Variants in HTT observed in about 807,000 individuals in gnomAD.
HTT encodes huntington disease protein.
Under a neutral mutation model 362.3 loss-of-function variants are expected in HTT, and 104 were observed. That is an observed-to-expected ratio of 0.29 (90% CI 0.24 to 0.34). HTT has a LOEUF of 0.34. Among genes scored for constraint, HTT ranks in the 10% least tolerant of loss-of-function variants. HTT has a pLI of 1.00. For synonymous variants in HTT, 1,577 were observed against 1,548.7 expected, an observed-to-expected ratio of 1.02 and a Z score of -0.43; for missense variants, 3,301 against 3,928.6, an observed-to-expected ratio of 0.84 and a Z score of 4.27.
chr4:3,229,960 G>A lies in HTT; in HGVS notation c.8183G>A (p.Arg2728Gln), dbSNP rs758207233. 8 of 1,613,962 alleles carry A rather than the reference G, an allele frequency of 5.0e-6. No individual in the cohort carries two copies. The Admixed American group carries it at 6.7e-5, about 13-fold the overall frequency. The change falls in exon 60 of 67, where the codon CGA becomes CAA. Residue 2728 changes from arginine (R) to glutamine (Q), a missense_variant. This residue lies in a region of HTT where 753 missense variants were observed against 1,021.3 expected (regional missense o/e 0.74). Transcript: ENST00000355072. ...ATGTATGTGACGCTGACAGAACTGC[G>A]AAGGGTGCACCCTTCAGAAGACGAG... Reference protein sequence around the residue: ...ELMYVTLTELRRVHPSEDEIL... With the variant: ...ELMYVTLTELQRVHPSEDEIL...
intron 40 of HTT, among the ~76,000 whole-genome samples, chr4:3,189,323 G>GC (rs917320918): frequency 5.9e-5 from 9 of 152,214 alleles, no homozygotes; most frequent in African/African-American, 2.2e-4. Context: ...ATATTTGCAT[G>GC]CCAGCATTCA....
chr4:3,121,330 C>T lies in HTT; in HGVS notation c.1171C>T (p.Leu391Phe), dbSNP rs1418040759. ...QQLFRTPPPE[L>F]LQTLTAVGGI... ...GCTCTTCAGAACGCCTCCACCCGAG[C>T]TTCTGCAAACCCTGACCGCAGTCGG... Residue 391 changes from leucine to phenylalanine, a missense_variant, in exon 9 of 67, where the codon CTT (leucine) becomes TTT (phenylalanine). Transcript: ENST00000355072. 1 of 1,614,166 alleles carries T rather than the reference C, an allele frequency of 6.2e-7. No homozygotes were observed. The highest frequency in any genetic ancestry group is 1.1e-5 in the South Asian group (1 of 91,084).
intron 20 of HTT, 76 bp downstream of exon 20, chr4:3,136,043 C>A: frequency 9.3e-7 from 1 of 1,080,092 alleles, no homozygotes; most frequent in African/African-American, 1.6e-5. Context: ...TGGAATTTCT[C>A]TAAATGCATT....
chr4:3,229,584 A>G (rs1227691159), intron 59 of HTT, among the ~76,000 whole-genome samples: 2 of 150,652 alleles, frequency 1.3e-5, no homozygotes, highest in African/African-American at 4.9e-5. Flanking sequence ...ACACACATGT[A>G]TATACACACC....
At chr4:3,148,331 G>T in intron 26 of HTT, 124 bp downstream of exon 26, 1 of 705,336 alleles carries the variant, frequency 1.4e-6, no homozygotes, top group Non-Finnish European at 2.3e-6. Flanking sequence ...AAATTGCTCA[G>T]ATTGTGACAC....
At chr4:3,198,713 A>G (rs1719383437) in intron 40 of HTT, among the ~76,000 whole-genome samples, 1 of 152,210 alleles carries the variant, frequency 6.6e-6, no homozygotes, top group Non-Finnish European at 1.5e-5. Context: ...AGGAGAGGAT[A>G]GAATGAAGTC....
At chr4:3,164,412 G>A (rs1429550861) in intron 29 of HTT, among the ~76,000 whole-genome samples, 1 of 152,150 alleles carries the variant, frequency 6.6e-6, no homozygotes, top group Non-Finnish European at 1.5e-5. Flanking sequence ...GTTGATTTGG[G>A]GTGCAGAGTT....
chr4:3,120,968 A>G (rs1274564778), intron 8 of HTT, among the ~76,000 whole-genome samples: 1 of 152,152 alleles, frequency 6.6e-6, no homozygotes, highest in Admixed American at 6.5e-5. Context: ...TGGGAAATAG[A>G]GATCTTCATT....
Position 3,218,093 on chromosome 4 carries a change from C to A in HTT, c.7242+141C>A. On this transcript the variant is annotated intron_variant, in intron 52 of 66. Coordinates refer to ENST00000355072, the MANE Select transcript of HTT (RefSeq NM_001388492.1). The surrounding 1 kb of genome is among the most constrained non-coding windows in gnomAD (Gnocchi z 4.4). ...TGTGGTTCTGGTGCCCACTGTGGTT[C>A]TGGTGCCAGGCTGCTTTCCTCAGGC... 1.4e-6 allele frequency: 1 copy of A among 695,786 alleles called. No individual in the cohort carries two copies. Among genetic ancestry groups the A allele is most frequent in the Non-Finnish European group, 2.3e-6 (1 of 432,614 alleles). The allele number at this position is 695,786 out of a possible 1,614,324, so 43.1% of individuals were successfully genotyped here. A position where few individuals can be genotyped will look rare whatever the true frequency, so the allele number is the denominator to read the frequency against.
intron 21 of HTT, among the ~76,000 whole-genome samples, chr4:3,136,606 A>T (rs1180106836): frequency 6.6e-6 from 1 of 151,890 alleles, no homozygotes; most frequent in Non-Finnish European, 1.5e-5. Flanking sequence ...AGAAAAAAAA[A>T]ATCACCTTCA....
intron 40 of HTT, among the ~76,000 whole-genome samples, chr4:3,197,325 C>G (rs1366757849): frequency 6.6e-6 from 1 of 152,106 alleles, no homozygotes; most frequent in Non-Finnish European, 1.5e-5. Context: ...CTTGTCCTGC[C>G]AGTACCTCAG....
In HTT at chr4:3,239,906, C is replaced by T; in HGVS notation, c.9276C>T (p.Cys3092=). ...AGCAGGTGGACGTGAACCTTTTCTG[C>T]CTGGTCGCCACAGACTTCTACAGAC... The part of the protein sequence containing the change: ...KLEQVDVNLF[C]LVATDFYRHQ... The change falls in exon 67 of 67, where the codon TGC becomes TGT. Residue 3092 remains cysteine, a synonymous_variant. Coordinates refer to ENST00000355072, the MANE Select transcript of HTT (RefSeq NM_001388492.1). The T allele has an allele frequency of 6.4e-7, 1 of 1,574,320 alleles. No homozygotes were observed. The highest frequency in any genetic ancestry group is 8.6e-7 in the Non-Finnish European group (1 of 1,158,788).
At chr4:3,109,066 A>AAAT (rs1560550837) in intron 6 of HTT, among the ~76,000 whole-genome samples, 1 of 84,002 alleles carries the variant, frequency 1.2e-5, no homozygotes, top group Non-Finnish European at 2.8e-5. Context: ...AAAAAAAAAA[A>AAAT]ATATATATAT....
rs1002327029 is a variant in HTT, at chr4:3,181,043, A to AT, written c.4749+403dup. ...AGGCATGCACCACCATGCCCAGCAA[A>AT]TTTTTTTTTTTGTATTTTTAGTAGA... is the stretch of plus-strand genomic sequence containing the variant. On this transcript the variant is annotated intron_variant, in intron 36 of 66. Coordinates refer to ENST00000355072, the MANE Select transcript of HTT (RefSeq NM_001388492.1). Among the ~76,000 whole-genome samples the AT allele has an allele frequency of 6.6e-3, 967 of 146,434 alleles. 6 individuals are homozygous for AT. Among genetic ancestry groups the AT allele is most frequent in the Middle Eastern group, 0.024 (7 of 288 alleles).
intron 21 of HTT, among the ~76,000 whole-genome samples, chr4:3,138,243 T>C (rs1420302119): frequency 1.3e-5 from 2 of 151,932 alleles, no homozygotes; most frequent in East Asian, 3.8e-4. Context: ...ATACACATTT[T>C]TTTAAATTTC....
chr4:3,233,343 G>A lies in HTT; in HGVS notation c.8446G>A (p.Gly2816Arg), dbSNP rs763632808. 5 of 1,597,982 alleles carry A rather than the reference G, an allele frequency of 3.1e-6. No homozygotes were observed. The African/African-American group carries it at 6.7e-5, about 21-fold the overall frequency. ...CGACTATCTCCTCTCCAACCTGAAA[G>A]GGATCGCCCAGTGAGTGGGAGCCTG... ...ISDYLLSNLK[G>R]IAHCVNIHSQ... Residue 2816 changes from glycine (G) to arginine (R), a missense_variant, in exon 61 of 67, where the codon GGG becomes AGG. Transcript: ENST00000355072.
chr4:3,233,711 G>A (rs879820007), intron 61 of HTT, among the ~76,000 whole-genome samples: 8 of 152,210 alleles, frequency 5.3e-5, no homozygotes, highest in Non-Finnish European at 1.2e-4. Flanking sequence ...CACCTTCCCC[G>A]CCCTGGCCCA....
intron 39 of HTT, 135 bp from the exon 40 acceptor site, chr4:3,188,816 C>A: frequency 1.2e-6 from 1 of 807,394 alleles, no homozygotes; most frequent in Non-Finnish European, 2.0e-6. Flanking sequence ...CGGCGCTCTG[C>A]ATTTCACTTT....
In HTT at chr4:3,238,617, T is replaced by A; in HGVS notation, c.9054+8T>A. The A allele has an allele frequency of 2.5e-6, 4 of 1,592,274 alleles. No homozygotes were observed. The highest frequency in any genetic ancestry group is 3.4e-6 in the Non-Finnish European group (4 of 1,167,764). Reference sequence around the variant, plus strand: ...GCCACCGTGGTGTATAAGGTGAGGTTGCATGTGGGATGGGGATGGAGTGGG... The same window carrying A: ...GCCACCGTGGTGTATAAGGTGAGGTAGCATGTGGGATGGGGATGGAGTGGG... On this transcript the variant is annotated splice_region_variant and intron_variant, in intron 65 of 66. Transcript: ENST00000355072.
Sources: allele counts gnomAD v4.1 joint callset (sites outside exome capture counted in the v4.1 genomes callset), GRCh38; gene constraint gnomAD v4.1.1; regional missense constraint gnomAD v4.1.1; non-coding constraint Gnocchi (gnomAD v3.1); transcripts MANE v1.5; gene names NCBI Gene and HGNC (gene_info 2026-07-23, HGNC 2026-07-21).